The following TDRD12 variants were observed in gnomAD, a reference collection of about 807,000 sequenced individuals.
The protein encoded by TDRD12 is tudor domain containing 12.
In TDRD12, 158 loss-of-function variants were observed where a neutral mutation model predicts 133.5. That is an observed-to-expected ratio of 1.18 (90% CI 1.04 to 1.35). The LOEUF (loss-of-function observed/expected upper bound fraction) is 1.35, where lower values mean the gene tolerates loss of function less well. TDRD12 is among the 40% of genes most tolerant of loss of function. The pLI, the probability that TDRD12 is intolerant of heterozygous loss-of-function variation, is 0.00. For synonymous variants in TDRD12, 460 were observed against 477.9 expected (o/e 0.96, Z 0.49); for missense variants, 1,443 against 1,321.3 (o/e 1.09, Z -1.43).
At chr19:32,811,847 T>C (rs1356097440) in intron 24 of TDRD12, among the ~76,000 whole-genome samples, 1 of 152,044 alleles carries the variant, frequency 6.6e-6, no homozygotes, top group Admixed American at 6.5e-5. Flanking sequence ...CCAGCCCAGG[T>C]GACAGAGTGA....
At position 32,754,669 on chromosome 19, in the gene TDRD12, CTTTTTTT is replaced by C. The variant is rs35714049; in HGVS notation, c.583-1305_583-1299del. 5.6e-3 allele frequency among the ~76,000 whole-genome samples: 391 copies of C among 70,102 alleles called. 2 individuals are homozygous for C. Among genetic ancestry groups the C allele is most frequent in the Middle Eastern group, 0.021 (2 of 94 alleles). The allele number at this position is 70,102 out of a possible 152,430, so 46.0% of individuals were successfully genotyped here. A position where few individuals can be genotyped will look rare whatever the true frequency, so the allele number is the denominator to read the frequency against. On this transcript the variant is annotated intron_variant, in intron 6 of 27. Transcript: ENST00000444215. The stretch of plus-strand genomic sequence containing the variant: ...GGTTGTATGTTGATAATGACTCTAT[CTTTTTTT>C]TTTTTTTTTTTTTTTTTGAGATGGA...
intron 11 of TDRD12, among the ~76,000 whole-genome samples, chr19:32,780,366 C>T (rs1296665797): frequency 6.6e-6 from 1 of 152,194 alleles, no homozygotes; most frequent in African/African-American, 2.4e-5. Context: ...GGATTACAGG[C>T]ATGAGCCACT....
chr19:32,791,779 G>A (rs921488345), intron 13 of TDRD12, among the ~76,000 whole-genome samples: 1 of 152,082 alleles, frequency 6.6e-6, no homozygotes. Context: ...GATGCTATTT[G>A]GAATTCTCCC....
downstream of TDRD12, among the ~76,000 whole-genome samples, chr19:32,821,986 G>A (rs963871836): frequency 2.0e-5 from 3 of 152,032 alleles, no homozygotes; most frequent in South Asian, 2.1e-4. Context: ...TGGGCATGGT[G>A]GGGGGGCACC....
At chr19:32,788,974 C>G (rs942761096) in intron 11 of TDRD12, among the ~76,000 whole-genome samples, 57 of 152,316 alleles carry the variant, frequency 3.7e-4, no homozygotes, top group African/African-American at 1.2e-3. Context: ...TTCAGTTCAG[C>G]ACCTCTGTTT....
chr19:32,791,836 A>G (rs1971081726), intron 13 of TDRD12, among the ~76,000 whole-genome samples: 1 of 151,860 alleles, frequency 6.6e-6, no homozygotes. Flanking sequence ...GTGAGGTGAC[A>G]CTCATGTGAT....
At chr19:32,790,046 C>T (rs1193281044) in intron 11 of TDRD12, among the ~76,000 whole-genome samples, 1 of 151,990 alleles carries the variant, frequency 6.6e-6, no homozygotes, top group Non-Finnish European at 1.5e-5. Flanking sequence ...AGGAATGAGG[C>T]TTTAGGAAGG....
chr19:32,749,058 G>A (rs145355297), intron 5 of TDRD12, among the ~76,000 whole-genome samples: 1,651 of 152,278 alleles, frequency 0.011, 38 homozygotes, highest in African/African-American at 0.038. Context: ...TAGTGATAGG[G>A]TTGGTGGATG....
intron 18 of TDRD12, among the ~76,000 whole-genome samples, chr19:32,800,982 T>C (rs2145696658): frequency 6.6e-6 from 1 of 152,074 alleles, no homozygotes; most frequent in East Asian, 1.9e-4. Flanking sequence ...GGCAGGGCTT[T>C]TCCTCTGCAG....
chr19:32,774,353 A>C (rs1276926679), intron 10 of TDRD12, among the ~76,000 whole-genome samples: 1 of 151,884 alleles, frequency 6.6e-6, no homozygotes, highest in Non-Finnish European at 1.5e-5. Context: ...GGTGTTCTTT[A>C]CTTTTTGTGT....
intron 21 of TDRD12, among the ~76,000 whole-genome samples, chr19:32,805,493 T>C (rs1971521469): frequency 1.3e-5 from 2 of 152,046 alleles, no homozygotes; most frequent in Admixed American, 1.3e-4. Context: ...ATTTAAAATA[T>C]CATTCGGTTC....
intron 8 of TDRD12, among the ~76,000 whole-genome samples, chr19:32,763,099 G>A (rs966713683): frequency 6.6e-6 from 1 of 152,180 alleles, no homozygotes; most frequent in African/African-American, 2.4e-5. Flanking sequence ...GACCACCATC[G>A]TATATGTGGT....
intron 22 of TDRD12, among the ~76,000 whole-genome samples, chr19:32,808,202 C>CT (rs2145721749): frequency 6.6e-6 from 1 of 152,146 alleles, no homozygotes; most frequent in African/African-American, 2.4e-5. Flanking sequence ...CTTTCTAATC[C>CT]TTTTTTATTA....
chr19:32,755,841 C>T (rs1969976069), intron 6 of TDRD12, 151 bp from the exon 7 acceptor site: 2 of 559,646 alleles, frequency 3.6e-6, no homozygotes, highest in Non-Finnish European at 5.8e-6. Context: ...TTTGGTTTAC[C>T]AGAGCAGGAG....
Position 32,798,487 on chromosome 19 carries a change from GC to G in TDRD12, c.1758+53del, listed in dbSNP as rs1971294877. The G allele has an allele frequency of 2.8e-6, 4 of 1,428,040 alleles. No individual in the cohort carries two copies. The South Asian group carries it at 5.8e-5, about 21-fold the overall frequency. 88.5% of individuals were successfully genotyped at this position (1,428,040 alleles called of 1,614,324 possible). On this transcript the variant is annotated intron_variant, in intron 16 of 27. Transcript: ENST00000444215. ...CTCAGAAGAGAGGCGTGATTAACAT[GC>G]TAACTGATGGCAGGAAGGAGGAAAA... is the stretch of plus-strand genomic sequence containing the variant.
chr19:32,806,441 C>A (rs184515384), intron 21 of TDRD12, among the ~76,000 whole-genome samples: 37 of 149,362 alleles, frequency 2.5e-4, no homozygotes, highest in African/African-American at 7.6e-4. Flanking sequence ...CTCCCGTGTT[C>A]AAGCAGTTCT....
chr19:32,781,770 C>G (rs997960595), intron 11 of TDRD12, among the ~76,000 whole-genome samples: 2 of 151,020 alleles, frequency 1.3e-5, no homozygotes, highest in African/African-American at 4.9e-5. Context: ...GATGTTGTGC[C>G]TTGGTGTGGT....
At chr19:32,767,624 G>A (rs907596013) in intron 8 of TDRD12, among the ~76,000 whole-genome samples, 9 of 152,122 alleles carry the variant, frequency 5.9e-5, no homozygotes, top group East Asian at 3.9e-4. Context: ...AGGTTTTGCC[G>A]CCATCCTCCT....
chr19:32,790,932 A>G, intron 12 of TDRD12, 32 bp from the exon 13 acceptor site: 3 of 1,528,034 alleles, frequency 2.0e-6, no homozygotes, highest in Non-Finnish European at 2.6e-6. Flanking sequence ...CTCAGGGCAG[A>G]CACTGGTTGT....
Sources: allele counts gnomAD v4.1 joint callset (sites outside exome capture counted in the v4.1 genomes callset), GRCh38; gene constraint gnomAD v4.1.1; transcripts MANE v1.5; gene names NCBI Gene and HGNC (gene_info 2026-07-23, HGNC 2026-07-21).